NID2: variants seen among roughly 807,000 people sequenced by gnomAD.
NID2 encodes nidogen 2.
A neutral mutation model predicts 145.4 loss-of-function variants in NID2; 83 were observed. The observed-to-expected ratio is 0.57, with a 90% confidence interval of 0.48 to 0.69. NID2 has a LOEUF of 0.69. NID2 is among the 30% of genes least tolerant of loss of function. The pLI is 0.00. For synonymous variants in NID2, 739 were observed against 701.3 expected, an observed-to-expected ratio of 1.05 and a Z score of -0.85; for missense variants, 1,807 against 1,765.7, an observed-to-expected ratio of 1.02 and a Z score of -0.42.
chr14:52,068,137 A>G lies in NID2; in HGVS notation c.255T>C (p.Thr85=), dbSNP rs746239512. 10 of 1,613,090 alleles carry G rather than the reference A, an allele frequency of 6.2e-6. No homozygotes were observed. Among genetic ancestry groups the G allele is most frequent in the Non-Finnish European group, 7.6e-6 (9 of 1,179,882 alleles). Residue 85 remains threonine (T), a synonymous_variant, in exon 2 of 22, where the codon ACT becomes ACC. Coordinates refer to ENST00000216286, the MANE Select transcript of NID2 (RefSeq NM_007361.4). ...LYVGTNGIIS[T]QDFPRETQYV... is the part of the protein sequence containing the mutation. ...ACTGCGTTTCCCTGGGGAAGTCCTG[A>G]GTGGAGATGATGCCGTTGGTGCCCA...
intron 18 of NID2, chr14:52,008,213 C>A (rs915338348): frequency 5.8e-5 from 21 of 364,406 alleles, no homozygotes; most frequent in Non-Finnish European, 9.9e-5. Context: ...TCTCTTGCTC[C>A]CTTTGAGGGA....
Position 52,004,820 on chromosome 14 carries a change from CACTT to C in NID2, c.*662_*665del. 4.4e-6 allele frequency: 1 copy of C among 229,842 alleles called. No homozygotes were observed. 14.2% of individuals were successfully genotyped at this position (229,842 alleles called of 1,614,324 possible). ...CCTTAAGTCATAGGAAAACTTAAAA[CACTT>C]TATTGGAGTAATCTAGAAAATTTTA... On this transcript the variant is annotated 3_prime_UTR_variant, in exon 22 of 22. Transcript: ENST00000216286.
chr14:52,010,528 A>C (rs1890972488), intron 18 of NID2: 1 of 179,618 alleles, frequency 5.6e-6, no homozygotes, highest in Non-Finnish European at 1.2e-5. Context: ...GAGGAATCCC[A>C]CTTCACTTCC....
intron 5 of NID2, among the ~76,000 whole-genome samples, chr14:52,046,441 A>G (rs529005408): frequency 3.3e-5 from 5 of 151,812 alleles, no homozygotes; most frequent in Non-Finnish European, 7.4e-5. Flanking sequence ...ATCTTATTTC[A>G]GTTATTTTGT....
At chr14:52,006,681 A>T in intron 19 of NID2, 21 bp from the exon 20 acceptor site, 2 of 1,612,482 alleles carry the variant, frequency 1.2e-6, no homozygotes, top group East Asian at 4.5e-5. Context: ...AAAGGGGGAA[A>T]ATGAGGTCCT....
intron 10 of NID2, among the ~76,000 whole-genome samples, chr14:52,029,115 G>T (rs923348291): frequency 6.6e-6 from 1 of 152,106 alleles, no homozygotes; most frequent in African/African-American, 2.4e-5. Context: ...AAAAAGAATG[G>T]ATACTTGGAA....
chr14:52,065,286 C>T (rs538060689), intron 2 of NID2, among the ~76,000 whole-genome samples: 26 of 152,186 alleles, frequency 1.7e-4, no homozygotes, highest in Admixed American at 4.6e-4. Context: ...ACTTTAAGAA[C>T]GCCATGTAGA....
At chr14:52,054,367 T>C (rs779392980) in intron 3 of NID2, 46 bp from the exon 4 acceptor site, 4 of 1,556,538 alleles carry the variant, frequency 2.6e-6, no homozygotes, top group Non-Finnish European at 3.5e-6. Context: ...AACAAAAGTG[T>C]CCATTCACCC....
At chr14:52,059,832 TG>T (rs1892966963) in intron 3 of NID2, among the ~76,000 whole-genome samples, 1 of 152,234 alleles carries the variant, frequency 6.6e-6, no homozygotes, top group South Asian at 2.1e-4. Context: ...TATTTTTATG[TG>T]GTTCCAAGAG....
intron 16 of NID2, among the ~76,000 whole-genome samples, chr14:52,012,649 G>T (rs1256275215): frequency 6.6e-6 from 1 of 152,104 alleles, no homozygotes; most frequent in Non-Finnish European, 1.5e-5. Context: ...AGGGAGTAGT[G>T]GTTATCCAAC....
At chr14:52,038,130 G>T (rs749867346) in intron 9 of NID2, among the ~76,000 whole-genome samples, 23 of 152,222 alleles carry the variant, frequency 1.5e-4, no homozygotes, top group Middle Eastern at 6.8e-3. Context: ...TTCTAGTACT[G>T]AATTGAATAA....
intron 12 of NID2, among the ~76,000 whole-genome samples, chr14:52,020,438 C>A (rs865963323): frequency 1.3e-5 from 2 of 152,114 alleles, no homozygotes; most frequent in African/African-American, 4.8e-5. Context: ...TAGTCGCTCA[C>A]AGAAAAAAAC....
intron 9 of NID2, among the ~76,000 whole-genome samples, chr14:52,032,498 C>T (rs1595027014): frequency 6.6e-6 from 1 of 152,230 alleles, no homozygotes; most frequent in East Asian, 1.9e-4. Flanking sequence ...GACCAGGTTC[C>T]TGAGTCAGTC....
Position 52,005,208 on chromosome 14 carries a change from T to G in NID2, c.*278A>C. 3.1e-6 allele frequency: 1 copy of G among 321,674 alleles called. No individual in the cohort carries two copies. The highest frequency in any genetic ancestry group is 5.6e-6 in the Non-Finnish European group (1 of 177,092). 19.9% of individuals were successfully genotyped at this position (321,674 alleles called of 1,614,324 possible). On this transcript the variant is annotated 3_prime_UTR_variant, in exon 22 of 22. Transcript: ENST00000216286. ...ATGAATTTGATCTTTTAAATATTAA[T>G]GATAAATGTTTACAAGAAGTTGCTT... is the stretch of plus-strand genomic sequence containing the variant.
At chr14:52,029,764 T>C (rs757935166) in intron 9 of NID2, 74 bp from the exon 10 acceptor site, 593 of 1,299,648 alleles carry the variant, frequency 4.6e-4, no homozygotes, top group South Asian at 1.3e-3. Context: ...AGAGGAGTCC[T>C]CGGAACTGAC....
intron 2 of NID2, among the ~76,000 whole-genome samples, chr14:52,061,968 G>A (rs1011559953): frequency 6.6e-6 from 1 of 152,132 alleles, no homozygotes; most frequent in Non-Finnish European, 1.5e-5. Flanking sequence ...TTACTGGTAA[G>A]TATCATTACC....
chr14:52,045,511 C>T (rs1483996606), intron 5 of NID2, among the ~76,000 whole-genome samples: 3 of 138,056 alleles, frequency 2.2e-5, no homozygotes, highest in African/African-American at 8.1e-5. Context: ...AAGAAAGTGA[C>T]AAGCTTAACT....
intron 5 of NID2, among the ~76,000 whole-genome samples, chr14:52,044,939 C>G (rs1892433141): frequency 6.6e-6 from 1 of 152,090 alleles, no homozygotes; most frequent in Non-Finnish European, 1.5e-5. Context: ...AATTTTTTAA[C>G]CCGTTTGCAG....
chr14:52,068,003 G>C lies in NID2; in HGVS notation c.389C>G (p.Pro130Arg). 1 of 1,612,566 alleles carries C rather than the reference G, an allele frequency of 6.2e-7. No homozygotes were observed. Among genetic ancestry groups the C allele is most frequent in the Admixed American group, 1.7e-5 (1 of 59,814 alleles). The change falls in exon 2 of 22, where the codon CCC becomes CGC. Residue 130 changes from proline (P) to arginine (R), a missense_variant. Coordinates refer to ENST00000216286, the MANE Select transcript of NID2 (RefSeq NM_007361.4). ...GRVLYREDTS[P>R]AVLGLAARYV... is the part of the protein sequence containing the mutation. Reference sequence around the variant, plus strand: ...GCGGGCGGCCAGGCCCAGCACTGCGGGGGAGGTGTCCTCTCGGTACAGGAC... The same window carrying C: ...GCGGGCGGCCAGGCCCAGCACTGCGCGGGAGGTGTCCTCTCGGTACAGGAC...
Sources: allele counts gnomAD v4.1 joint callset (sites outside exome capture counted in the v4.1 genomes callset), GRCh38; gene constraint gnomAD v4.1.1; transcripts MANE v1.5; gene names NCBI Gene and HGNC (gene_info 2026-07-23, HGNC 2026-07-21).